The following BCL2L13 variants were observed in gnomAD, a reference collection of about 807,000 sequenced individuals.
The protein encoded by BCL2L13 is BCL2 like 13.
BCL2L13 carries 13 observed loss-of-function variants against 25.8 expected under a neutral mutation model. The observed-to-expected ratio is 0.50, with a 90% CI of 0.33 to 0.80. BCL2L13 has a LOEUF of 0.80. Among genes scored for constraint, BCL2L13 ranks in the 30% least tolerant of loss-of-function variants. The probability of loss-of-function intolerance (pLI) is 0.02; values close to 1 mark genes in which losing one functional copy is unlikely to be tolerated. For missense variants in BCL2L13, 504 were observed against 574.9 expected, an observed-to-expected ratio of 0.88 and a Z score of 1.26; for synonymous variants, 244 against 230.3, an observed-to-expected ratio of 1.06 and a Z score of -0.54.
intron 2 of BCL2L13, among the ~76,000 whole-genome samples, chr22:17,666,405 G>A (rs2059236155): frequency 6.6e-6 from 1 of 151,860 alleles, no homozygotes; most frequent in Non-Finnish European, 1.5e-5. Context: ...TACAATTAAT[G>A]GGCTGTTGAA....
intron 2 of BCL2L13, among the ~76,000 whole-genome samples, chr22:17,675,075 TAC>T (rs10537282): frequency 0.68 from 102,654 of 151,310 alleles, 35,190 homozygotes; most frequent in East Asian, 0.85. Flanking sequence ...TACATATGTA[TAC>T]ACACACACAC....
At chr22:17,710,719 AC>A in intron 6 of BCL2L13, among the ~76,000 whole-genome samples, 1 of 152,154 alleles carries the variant, frequency 6.6e-6, no homozygotes, top group South Asian at 2.1e-4. Context: ...TACTAAAAAT[AC>A]AAAAAAATTA....
intron 3 of BCL2L13, chr22:17,684,476 C>A: frequency 2.4e-6 from 1 of 424,318 alleles, no homozygotes; most frequent in Non-Finnish European, 4.7e-6. Flanking sequence ...AACCCCACCC[C>A]ACACCAGGCA....
At chr22:17,645,225 A>ATTT (rs60836823) in intron 1 of BCL2L13, among the ~76,000 whole-genome samples, 1 of 97,638 alleles carries the variant, frequency 1.0e-5, no homozygotes, top group African/African-American at 4.3e-5. Flanking sequence ...TAATAGTAGG[A>ATTT]TTTTTTTTTT....
At chr22:17,716,730 C>A (rs2060956250) in intron 6 of BCL2L13, among the ~76,000 whole-genome samples, 1 of 152,130 alleles carries the variant, frequency 6.6e-6, no homozygotes, top group African/African-American at 2.4e-5. Context: ...TATAAATAGA[C>A]TTCAAATGTA....
intron 2 of BCL2L13, among the ~76,000 whole-genome samples, chr22:17,681,176 G>A: frequency 6.6e-6 from 1 of 152,126 alleles, no homozygotes; most frequent in East Asian, 1.9e-4. Flanking sequence ...ATTATGCAGT[G>A]GGTGTGAGTA....
chr22:17,726,235 C>T (rs2061293170), intron 6 of BCL2L13, among the ~76,000 whole-genome samples: 1 of 151,916 alleles, frequency 6.6e-6, no homozygotes, highest in African/African-American at 2.4e-5. Context: ...CCTATAATTG[C>T]AGCTACTGGG....
upstream of BCL2L13, among the ~76,000 whole-genome samples, chr22:17,635,262 G>T (rs12106619): frequency 4.7e-4 from 71 of 151,982 alleles, no homozygotes; most frequent in African/African-American, 1.6e-3. Context: ...AAAGGGCCGG[G>T]TGTGGTAGCT....
chr22:17,632,748 T>A (rs1328064736), intron 1 of BCL2L13, among the ~76,000 whole-genome samples: 1 of 150,378 alleles, frequency 6.6e-6, no homozygotes, highest in Non-Finnish European at 1.5e-5. Context: ...TTATGATTCT[T>A]CTTCTTTTTT....
At chr22:17,692,054 A>T (rs1008857522) in intron 4 of BCL2L13, among the ~76,000 whole-genome samples, 10 of 152,226 alleles carry the variant, frequency 6.6e-5, no homozygotes, top group African/African-American at 2.4e-4. Flanking sequence ...CATAAACTAG[A>T]AGTATTATAA....
At chr22:17,719,468 C>T (rs1283002591) in intron 6 of BCL2L13, among the ~76,000 whole-genome samples, 1 of 152,130 alleles carries the variant, frequency 6.6e-6, no homozygotes, top group African/African-American at 2.4e-5. Flanking sequence ...AGTACATGGA[C>T]ATTTATAACA....
chr22:17,700,305 G>A (rs1568989998), intron 5 of BCL2L13, among the ~76,000 whole-genome samples: 1 of 152,196 alleles, frequency 6.6e-6, no homozygotes. Context: ...TCTTCCAGGA[G>A]TGAAAGAGAA....
intron 4 of BCL2L13, among the ~76,000 whole-genome samples, chr22:17,691,962 C>G (rs1368310972): frequency 2.0e-5 from 3 of 152,144 alleles, no homozygotes; most frequent in African/African-American, 4.8e-5. Flanking sequence ...AGTCAGGTCT[C>G]TTTCTTTTTT....
chr22:17,707,906 C>CA, intron 6 of BCL2L13, among the ~76,000 whole-genome samples: 1 of 151,820 alleles, frequency 6.6e-6, no homozygotes, highest in South Asian at 2.1e-4. Flanking sequence ...AAAAGTGAAA[C>CA]AAAAAAATAC....
chr22:17,646,492 G>A (rs964739668), intron 1 of BCL2L13, among the ~76,000 whole-genome samples: 1 of 150,702 alleles, frequency 6.6e-6, no homozygotes, highest in Non-Finnish European at 1.5e-5. Context: ...CAGGTGATCC[G>A]CCCACCGCAC....
chr22:17,667,450 C>T (rs1346771804), intron 2 of BCL2L13, among the ~76,000 whole-genome samples: 3 of 151,862 alleles, frequency 2.0e-5, no homozygotes, highest in African/African-American at 7.3e-5. Flanking sequence ...GAATTACAGG[C>T]GTGAGCCACC....
intron 5 of BCL2L13, among the ~76,000 whole-genome samples, chr22:17,698,805 C>T (rs2060347754): frequency 6.6e-6 from 1 of 152,124 alleles, no homozygotes; most frequent in Non-Finnish European, 1.5e-5. Context: ...TTCTTTCCTG[C>T]TCCTCCCAGC....
chr22:17,657,735 C>G (rs1248252870), intron 2 of BCL2L13, among the ~76,000 whole-genome samples: 1 of 149,482 alleles, frequency 6.7e-6, no homozygotes, highest in Non-Finnish European at 1.5e-5. Context: ...CCAGGATGGT[C>G]TTGATCATCT....
intron 2 of BCL2L13, among the ~76,000 whole-genome samples, chr22:17,663,190 A>G (rs971181384): frequency 6.6e-6 from 1 of 152,178 alleles, no homozygotes; most frequent in African/African-American, 2.4e-5. Context: ...GTTCTTATCC[A>G]TAAATTTCTA....
Sources: allele counts gnomAD v4.1 joint callset (sites outside exome capture counted in the v4.1 genomes callset), GRCh38; gene constraint gnomAD v4.1.1; transcripts MANE v1.5; gene names NCBI Gene and HGNC (gene_info 2026-07-23, HGNC 2026-07-21).